Variants in EVL observed in about 807,000 individuals in gnomAD.
EVL encodes the protein Enah/Vasp-like, also known as ena/VASP-like protein.
EVL carries 21 observed loss-of-function variants against 59.6 expected under a neutral mutation model. The observed-to-expected ratio is 0.35, with a 90% confidence interval of 0.25 to 0.51. The LOEUF (loss-of-function observed/expected upper bound fraction) is 0.51, where lower values mean the gene tolerates loss of function less well. Ranked by LOEUF, EVL falls within the 20% of genes least tolerant of loss-of-function variation. The probability of loss-of-function intolerance (pLI) is 0.97; values close to 1 mark genes in which losing one functional copy is unlikely to be tolerated. For synonymous variants in EVL, 198 were observed against 203.5 expected, an observed-to-expected ratio of 0.97 and a Z score of 0.23; for missense variants, 462 against 546.6, an observed-to-expected ratio of 0.85 and a Z score of 1.54.
chr14:100,076,778 T>A (rs762222388), intron 1 of EVL, among the ~76,000 whole-genome samples: 14 of 152,210 alleles, frequency 9.2e-5, no homozygotes, highest in Non-Finnish European at 1.3e-4. Context: ...TCCACAAGAC[T>A]AAGCCAAGGG....
chr14:100,042,663 GA>G (rs1179622942), intron 1 of EVL, among the ~76,000 whole-genome samples: 3 of 152,116 alleles, frequency 2.0e-5, no homozygotes, highest in Non-Finnish European at 4.4e-5. Flanking sequence ...TGGAGACCAG[GA>G]GTTACTTTGA....
chr14:100,141,593 A>G (rs997088693), intron 12 of EVL, 143 bp from the exon 13 acceptor site: 10 of 709,078 alleles, frequency 1.4e-5, no homozygotes, highest in Admixed American at 2.9e-5. Context: ...CAGCGTGGGA[A>G]GGGGGCCACG....
intron 1 of EVL, chr14:99,977,104 T>G (rs1440186775): frequency 6.6e-6 from 1 of 152,250 alleles, no homozygotes; most frequent in African/African-American, 2.4e-5. Flanking sequence ...TTATGGAAGC[T>G]GTAGAGAACA....
exon 1 of EVL, chr14:99,971,966 C>G (rs1396408069): frequency 6.9e-6 from 1 of 145,110 alleles, no homozygotes; most frequent in Non-Finnish European, 1.5e-5. Flanking sequence ...CCGGCTCCCC[C>G]GCTAGCGCCC....
At chr14:100,103,260 G>A (rs986022106) in intron 3 of EVL, among the ~76,000 whole-genome samples, 12 of 150,636 alleles carry the variant, frequency 8.0e-5, no homozygotes, top group Non-Finnish European at 4.4e-5. Context: ...AGATGAGCTT[G>A]TGTTTTTGTT....
At chr14:99,986,920 C>T (rs1292058812) in intron 1 of EVL, among the ~76,000 whole-genome samples, 2 of 152,170 alleles carry the variant, frequency 1.3e-5, no homozygotes, top group Non-Finnish European at 2.9e-5. Context: ...AGATTGTAAA[C>T]TTCAGTGGGA....
At chr14:99,985,473 A>G (rs570161788) in intron 1 of EVL, among the ~76,000 whole-genome samples, 1 of 152,194 alleles carries the variant, frequency 6.6e-6, no homozygotes, top group Admixed American at 6.5e-5. Context: ...CTTGGTTAAA[A>G]GTCCTTGGTC....
At chr14:100,006,025 C>A (rs1435462981) in intron 1 of EVL, among the ~76,000 whole-genome samples, 3 of 69,356 alleles carry the variant, frequency 4.3e-5, no homozygotes, top group South Asian at 4.2e-4. Context: ...CCCCCCCCCA[C>A]ACCGACAACA....
At chr14:100,068,309 C>G (rs1365253884) in intron 1 of EVL, among the ~76,000 whole-genome samples, 1 of 152,066 alleles carries the variant, frequency 6.6e-6, no homozygotes, top group African/African-American at 2.4e-5. Context: ...GCTGGAGCAA[C>G]ATGAAGAAGG....
In EVL at chr14:100,087,057, A is replaced by G. The variant is rs964845408; in HGVS notation, c.180+2202A>G. Among the ~76,000 whole-genome samples the G allele has an allele frequency of 3.9e-5, 6 of 152,234 alleles. No homozygotes were observed. The East Asian group carries it at 7.7e-4, about 20-fold the overall frequency. Reference sequence around the variant, plus strand: ...GAGAGAATCAAAGATTCCTGGTTTTATAACTAAATAGGGATATCTTACATG... The same window carrying G: ...GAGAGAATCAAAGATTCCTGGTTTTGTAACTAAATAGGGATATCTTACATG... On this transcript the variant is annotated intron_variant, in intron 2 of 13. Transcript: ENST00000392920.
At chr14:100,104,260 G>A (rs1460044355) in intron 3 of EVL, among the ~76,000 whole-genome samples, 6 of 152,228 alleles carry the variant, frequency 3.9e-5, no homozygotes, top group Admixed American at 3.9e-4. Context: ...TATTATGATG[G>A]TGGTGGTTTA....
intron 1 of EVL, among the ~76,000 whole-genome samples, chr14:100,034,271 T>G (rs1372675511): frequency 6.6e-6 from 1 of 151,052 alleles, no homozygotes; most frequent in Non-Finnish European, 1.5e-5. Context: ...AGAAAAATTA[T>G]AATCACCCCT....
intron 4 of EVL, among the ~76,000 whole-genome samples, chr14:100,125,938 T>C (rs1365124510): frequency 1.3e-5 from 2 of 152,224 alleles, no homozygotes; most frequent in Non-Finnish European, 2.9e-5. Context: ...AGCCCAGAGC[T>C]GCCTTCAGAA....
chr14:99,979,543 A>G lies in EVL; in HGVS notation c.5+7486A>G, dbSNP rs201460188. 3.9e-4 allele frequency among the ~76,000 whole-genome samples: 59 copies of G among 152,080 alleles called. No individual in the cohort carries two copies. The East Asian group carries it at 7.3e-3, about 19-fold the overall frequency. Reference sequence around the variant, plus strand: ...TGTCGATTCTGCATCTGTGGGTTCAACCAACCTTGGATGGAAATATTTTTT... The same window carrying G: ...TGTCGATTCTGCATCTGTGGGTTCAGCCAACCTTGGATGGAAATATTTTTT... On this transcript the variant is annotated intron_variant, in intron 1 of 13. Coordinates refer to the EVL transcript ENST00000402714.
chr14:100,068,272 G>T (rs140930849), intron 1 of EVL, among the ~76,000 whole-genome samples: 1 of 152,126 alleles, frequency 6.6e-6, no homozygotes, highest in African/African-American at 2.4e-5. Flanking sequence ...TGGTTTGGTG[G>T]GTTCAAGGGT....
chr14:100,086,765 G>A (rs1422510120), intron 2 of EVL, among the ~76,000 whole-genome samples: 1 of 152,238 alleles, frequency 6.6e-6, no homozygotes, highest in Non-Finnish European at 1.5e-5. Context: ...CTCCTAGAGT[G>A]TGATTGAGAA....
At chr14:100,080,714 T>C (rs1244182570) in intron 1 of EVL, among the ~76,000 whole-genome samples, 1 of 152,198 alleles carries the variant, frequency 6.6e-6, no homozygotes, top group Non-Finnish European at 1.5e-5. Flanking sequence ...TAGTTATACC[T>C]ACAGCTCAGA....
rs1006623619 is a variant in EVL, at chr14:100,016,399, C to A, written c.5+44342C>A. Among the ~76,000 whole-genome samples, 5 of 152,152 alleles carry A rather than the reference C, an allele frequency of 3.3e-5. No individual in the cohort carries two copies. The East Asian group carries it at 9.7e-4, about 30-fold the overall frequency. On this transcript the variant is annotated intron_variant, in intron 1 of 13. Coordinates refer to the EVL transcript ENST00000402714. ...CAAAAATTAGCTGGGTGTGGCGGCA[C>A]GTGCCTGTAATACCAGTTACTCGGG...
chr14:100,097,440 T>G (rs756697309), intron 2 of EVL, 41 bp from the exon 3 acceptor site: 26 of 1,561,918 alleles, frequency 1.7e-5, no homozygotes, highest in African/African-American at 2.7e-5. Flanking sequence ...TCACTTACAT[T>G]TTATTTATTT....
Sources: gnomAD v4.1 joint callset for allele counts (sites outside exome capture counted in the v4.1 genomes callset) on GRCh38, gnomAD v4.1.1 for gene constraint, MANE v1.5 for transcripts, NCBI Gene and HGNC (gene_info 2026-07-23, HGNC 2026-07-21) for gene names.